BAZ2B: variants seen among roughly 807,000 people sequenced by gnomAD.
BAZ2B encodes bromodomain adjacent to zinc finger domain protein 2B.
BAZ2B carries 91 observed loss-of-function variants against 246.0 expected under a neutral mutation model. The observed-to-expected ratio is 0.37, with a 90% confidence interval of 0.31 to 0.44. The LOEUF (loss-of-function observed/expected upper bound fraction) is 0.44. Among genes scored for constraint, BAZ2B ranks in the 20% least tolerant of loss-of-function variants. BAZ2B has a pLI of 1.00. For missense variants in BAZ2B, 2,332 were observed against 2,533.7 expected (o/e 0.92, Z 1.71); for synonymous variants, 855 against 860.0 (o/e 0.99, Z 0.10).
rs1236429402 is a variant in BAZ2B, at chr2:159,432,743, A to T, written c.1900+14T>A. Reference sequence around the variant, plus strand: ...CATTTAGAGAAATACTTTAAATTTTAAAATGAAAATAACCTGATTGGCTGT... The same window carrying T: ...CATTTAGAGAAATACTTTAAATTTTTAAATGAAAATAACCTGATTGGCTGT... On this transcript the variant is annotated intron_variant, in intron 9 of 36. Coordinates refer to ENST00000392783, the MANE Select transcript of BAZ2B (RefSeq NM_013450.4). The T allele has an allele frequency of 1.3e-6, 2 of 1,599,262 alleles. No individual in the cohort carries two copies. Among genetic ancestry groups the T allele is most frequent in the African/African-American group, 2.7e-5 (2 of 74,290 alleles).
chr2:159,321,804 G>A (rs1234392591), intron 36 of BAZ2B: 2 of 152,170 alleles, frequency 1.3e-5, no homozygotes, highest in Non-Finnish European at 2.9e-5. Flanking sequence ...CAAAAAAATA[G>A]AAGGAATGAA....
chr2:159,565,530 G>T (rs1249349984), intron 1 of BAZ2B, among the ~76,000 whole-genome samples: 1 of 152,164 alleles, frequency 6.6e-6, no homozygotes, highest in Non-Finnish European at 1.5e-5. Context: ...TGTAATCCCA[G>T]CACTTTGGGT....
chr2:159,438,859 T>A, intron 7 of BAZ2B, 150 bp downstream of exon 7: 1 of 1,219,602 alleles, frequency 8.2e-7, no homozygotes, highest in Non-Finnish European at 1.1e-6. Context: ...TATGTCCCTT[T>A]AAAAACATTT....
intron 8 of BAZ2B, 23 bp from the exon 9 acceptor site, chr2:159,433,386 A>G: frequency 6.3e-7 from 1 of 1,576,544 alleles, no homozygotes; most frequent in Middle Eastern, 1.7e-4. Flanking sequence ...AAGTTAAAAA[A>G]CACAACAAAA....
Position 159,432,948 on chromosome 2 carries a change from T to A in BAZ2B, c.1709A>T (p.Asn570Ile), listed in dbSNP as rs201840527. 2 of 1,614,060 alleles carry A rather than the reference T, an allele frequency of 1.2e-6. No individual in the cohort carries two copies. The highest frequency in any genetic ancestry group is 2.7e-5 in the African/African-American group (2 of 74,942). The change falls in exon 9 of 37, where the codon AAT (asparagine) becomes ATT (isoleucine). Residue 570 changes from asparagine (N) to isoleucine (I), a missense_variant. Asn to Ile is a moderately radical substitution (Grantham distance 149, BLOSUM62 -3). Transcript: ENST00000392783. ...CTGTGTTTTTACTGGGTTTACATTA[T>A]TGCTAACTGCTTTTTCCTTCCCTTG... ...HSQGKEKAVS[N>I]NVNPVKTQHH...
chr2:159,467,080 C>T lies in BAZ2B; in HGVS notation c.145+11495G>A, dbSNP rs544391184. Among the ~76,000 whole-genome samples, 10 of 152,098 alleles carry T rather than the reference C, an allele frequency of 6.6e-5. No individual in the cohort carries two copies. The South Asian group carries it at 1.0e-3, about 16-fold the overall frequency. On this transcript the variant is annotated intron_variant, in intron 3 of 36. Transcript: ENST00000392783. ...GAAGATTTTCCAGACAGAGGGACAG[C>T]GTATTTGAAATTCTGAGTTGGGAAA...
At chr2:159,330,879 G>T (rs1385563933) in intron 34 of BAZ2B, among the ~76,000 whole-genome samples, 1 of 152,058 alleles carries the variant, frequency 6.6e-6, no homozygotes, top group East Asian at 1.9e-4. Flanking sequence ...GAGTGAACCA[G>T]AGGAGAGATA....
intron 36 of BAZ2B, 49 bp downstream of exon 36, chr2:159,324,762 T>C (rs2063224932): frequency 7.6e-7 from 1 of 1,312,474 alleles, no homozygotes; most frequent in Non-Finnish European, 1.0e-6. Context: ...ATGCCTAGCA[T>C]ATATCAGGTA....
chr2:159,362,437 T>C (rs1475713586), intron 27 of BAZ2B, among the ~76,000 whole-genome samples: 7 of 152,212 alleles, frequency 4.6e-5, no homozygotes, highest in Admixed American at 4.6e-4. Context: ...TGGGGTACAG[T>C]GTTTCGTCTC....
chr2:159,491,694 C>T (rs1428113372), intron 2 of BAZ2B, among the ~76,000 whole-genome samples: 2 of 115,216 alleles, frequency 1.7e-5, no homozygotes, highest in Admixed American at 2.0e-4. Context: ...GCACTCCAGC[C>T]CGGGCGACAG....
intron 1 of BAZ2B, among the ~76,000 whole-genome samples, chr2:159,561,337 C>T (rs141399898): frequency 6.6e-6 from 1 of 152,168 alleles, no homozygotes; most frequent in Admixed American, 6.5e-5. Flanking sequence ...TCCCTCTCAC[C>T]CATGCCAGCT....
chr2:159,696,297 T>C, the BAZ2B span, among the ~76,000 whole-genome samples: 1 of 152,194 alleles, frequency 6.6e-6, no homozygotes. Context: ...ATGGTTTCTT[T>C]ATTAGTTGGA....
the BAZ2B span, among the ~76,000 whole-genome samples, chr2:159,625,474 ATC>A: frequency 3.9e-5 from 6 of 152,222 alleles, no homozygotes; most frequent in Non-Finnish European, 8.8e-5. Flanking sequence ...GTAAGAGTGG[ATC>A]TCTCTGCAGA....
chr2:159,609,792 T>C (rs1366959379), intron 1 of BAZ2B, among the ~76,000 whole-genome samples: 2 of 138,712 alleles, frequency 1.4e-5, no homozygotes, highest in African/African-American at 5.4e-5. Context: ...AGATTTTAAA[T>C]GCAGGTAGAT....
chr2:159,350,448 C>T, intron 27 of BAZ2B, 91 bp from the exon 28 acceptor site: 1 of 1,235,186 alleles, frequency 8.1e-7, no homozygotes, highest in Non-Finnish European at 1.1e-6. Flanking sequence ...AAATTATATG[C>T]ATAAATACTT....
chr2:159,530,247 T>G (rs1451094337), intron 2 of BAZ2B, among the ~76,000 whole-genome samples: 1 of 152,218 alleles, frequency 6.6e-6, no homozygotes, highest in African/African-American at 2.4e-5. Flanking sequence ...ACTTTTGCAA[T>G]TGTTAAGTGC....
chr2:159,628,387 G>A, the BAZ2B span, among the ~76,000 whole-genome samples: 7 of 152,194 alleles, frequency 4.6e-5, no homozygotes, highest in Non-Finnish European at 8.8e-5. Context: ...AAAGAACAAA[G>A]CTGTAGGCGT....
At chr2:159,475,896 C>T (rs529804460) in intron 3 of BAZ2B, among the ~76,000 whole-genome samples, 1 of 152,316 alleles carries the variant, frequency 6.6e-6, no homozygotes, top group South Asian at 2.1e-4. Flanking sequence ...AGATTGCTGC[C>T]TGTTCCTTCC....
intron 34 of BAZ2B, among the ~76,000 whole-genome samples, chr2:159,329,889 C>T (rs3771683): frequency 0.66 from 99,561 of 151,998 alleles, 34,021 homozygotes; most frequent in Admixed American, 0.76. Context: ...TGAAAACAAA[C>T]GTCCAATGAC....
Sources: gnomAD v4.1 joint callset for allele counts (sites outside exome capture counted in the v4.1 genomes callset) on GRCh38, gnomAD v4.1.1 for gene constraint, MANE v1.5 for transcripts, NCBI Gene and HGNC (gene_info 2026-07-23, HGNC 2026-07-21) for gene names.